The following ALS2 variants were observed in gnomAD, a reference collection of about 807,000 sequenced individuals.
ALS2 encodes alsin.
ALS2 carries 117 observed loss-of-function variants against 203.4 expected under a neutral mutation model. The observed-to-expected ratio is 0.58, with a 90% CI of 0.50 to 0.67. ALS2 has a LOEUF of 0.67. Ranked by LOEUF, ALS2 falls within the 30% of genes least tolerant of loss-of-function variation. The pLI is 0.00. For missense variants in ALS2, 1,715 were observed against 1,989.4 expected, an observed-to-expected ratio of 0.86 and a Z score of 2.62; for synonymous variants, 718 against 725.9, an observed-to-expected ratio of 0.99 and a Z score of 0.17.
At chr2:201,771,353 G>A (rs779565401) in intron 1 of ALS2, among the ~76,000 whole-genome samples, 2 of 151,960 alleles carry the variant, frequency 1.3e-5, no homozygotes, top group Non-Finnish European at 2.9e-5. Flanking sequence ...CACCGCGCCC[G>A]GCCCCTATCT....
intron 7 of ALS2, among the ~76,000 whole-genome samples, chr2:201,750,285 T>G (rs1156500946): frequency 1.3e-5 from 2 of 152,220 alleles, no homozygotes; most frequent in East Asian, 3.8e-4. Flanking sequence ...TCTTAACACT[T>G]TCTGTATATT....
intron 4 of ALS2, chr2:201,760,434 A>G (rs1012169538): frequency 4.0e-6 from 4 of 991,114 alleles, no homozygotes; most frequent in Non-Finnish European, 4.8e-6. Context: ...ATCTGCCTAC[A>G]ATTGAAGGAT....
chr2:201,755,319 A>G (rs1693315574), intron 5 of ALS2, among the ~76,000 whole-genome samples: 1 of 152,076 alleles, frequency 6.6e-6, no homozygotes, highest in East Asian at 1.9e-4. Context: ...CTGGAGTGTA[A>G]TGGCATGATC....
At position 201,774,156 on chromosome 2, in the gene ALS2, G is replaced by A. The variant is rs545042670; in HGVS notation, c.-60-5211C>T. Among the ~76,000 whole-genome samples, 3 of 152,306 alleles carry A rather than the reference G, an allele frequency of 2.0e-5. No homozygotes were observed. In the South Asian group the frequency reaches 6.2e-4, roughly 32 times the overall value. On this transcript the variant is annotated intron_variant, in intron 1 of 33. Transcript: ENST00000264276. ...AAATGAAGGGTTTTCTTTTGCTGGA[G>A]GTTGGGGAGATGGGAGGAAGCTGAA...
intron 20 of ALS2, 146 bp downstream of exon 20, chr2:201,725,210 C>T (rs1267194353): frequency 2.9e-6 from 2 of 698,568 alleles, no homozygotes; most frequent in Non-Finnish European, 5.1e-6. Flanking sequence ...GATGATCACA[C>T]AGAGTTTCAA....
At position 201,706,923 on chromosome 2, in the gene ALS2, T is replaced by C. The variant is rs1320274610; in HGVS notation, c.4503A>G (p.Glu1501=). The change falls in exon 29 of 34, where the codon GAA becomes GAG. Residue 1501 remains glutamate, a synonymous_variant. Coordinates refer to ENST00000264276, the MANE Select transcript of ALS2 (RefSeq NM_020919.4). ...MLYALDNDRE[E]DIYWECVLRL... The stretch of plus-strand genomic sequence containing the variant: ...GAAGGACACATTCCCAGTAAATGTC[T>C]TCCTCGCGATCATTATCCAAAGCAT... The C allele has an allele frequency of 1.2e-6, 2 of 1,614,090 alleles. No homozygotes were observed. Among genetic ancestry groups the C allele is most frequent in the Middle Eastern group, 3.3e-4 (2 of 6,060 alleles).
rs1045437385 is a variant in ALS2, at chr2:201,759,788, G to A, written c.1113+1093C>T. ...AGAATTGAGAATCAAGAGGCTATGT[G>A]GTTTCAAAAACCTAAAAAGAAACAC... On this transcript the variant is annotated intron_variant, in intron 4 of 33. Transcript: ENST00000264276. The A allele has an allele frequency of 8.1e-6, 8 of 984,930 alleles. No individual in the cohort carries two copies. The African/African-American group carries it at 1.4e-4, about 17-fold the overall frequency. The allele number at this position is 984,930 out of a possible 1,614,324, so 61.0% of individuals were successfully genotyped here. A position where few individuals can be genotyped will look rare whatever the true frequency, so the allele number is the denominator to read the frequency against.
intron 12 of ALS2, among the ~76,000 whole-genome samples, chr2:201,734,178 C>G (rs1262756501): frequency 6.6e-6 from 1 of 152,066 alleles, no homozygotes; most frequent in African/African-American, 2.4e-5. Context: ...AATGGTAAAG[C>G]AGTAAGAGTT....
chr2:201,720,373 A>G (rs573238013), intron 23 of ALS2, among the ~76,000 whole-genome samples: 2 of 152,160 alleles, frequency 1.3e-5, no homozygotes, highest in African/African-American at 4.8e-5. Flanking sequence ...AAACCACATG[A>G]TCATCTCAAC....
rs1257366666 is a variant in ALS2 at position 201,726,797 on chromosome 2, A to G, written c.3049T>C (p.Tyr1017His). The G allele has an allele frequency of 6.2e-7, 1 of 1,614,182 alleles. No homozygotes were observed. Among genetic ancestry groups the G allele is most frequent in the East Asian group, 2.2e-5 (1 of 44,880 alleles). Residue 1017 changes from tyrosine to histidine, a missense_variant, in exon 18 of 34, where the codon TAT becomes CAT. By Grantham distance (83) the Tyr-to-His change is moderately conservative. Around this residue, in one of 3 missense-constraint regions of ALS2, gnomAD observed 1,227 missense variants for 1,413.5 expected, o/e 0.87. Coordinates refer to ENST00000264276, the MANE Select transcript of ALS2 (RefSeq NM_020919.4). ...CTCTGAACACTGCTACCACTTCCAT[A>G]AGGGGGGAGATCAGACATCCCTCTC... ...ALRGMSDLPP[Y>H]GSGSSVQRQE...
chr2:201,743,179 A>T (rs1692400749), intron 10 of ALS2, among the ~76,000 whole-genome samples: 1 of 152,156 alleles, frequency 6.6e-6, no homozygotes, highest in African/African-American at 2.4e-5. Flanking sequence ...GGGTCAACAC[A>T]GTGGGGCAAG....
At chr2:201,780,532 G>A (rs1434287318) in intron 1 of ALS2, among the ~76,000 whole-genome samples, 1 of 152,296 alleles carries the variant, frequency 6.6e-6, no homozygotes, top group African/African-American at 2.4e-5. Flanking sequence ...ATGAATAGCT[G>A]GAAGGCAGCG....
chr2:201,707,822 C>G, intron 28 of ALS2, 47 bp downstream of exon 28: 3 of 1,603,824 alleles, frequency 1.9e-6, no homozygotes, highest in East Asian at 4.5e-5. Context: ...GTAAGATCAT[C>G]TAGTCACCAT....
At chr2:201,769,849 T>C (rs2106107323) in intron 1 of ALS2, among the ~76,000 whole-genome samples, 1 of 152,320 alleles carries the variant, frequency 6.6e-6, no homozygotes, top group Non-Finnish European at 1.5e-5. Flanking sequence ...CAGCTCATAC[T>C]GGCAGGAGTG....
chr2:201,719,278 A>C (rs954372213), intron 23 of ALS2, among the ~76,000 whole-genome samples: 14 of 152,120 alleles, frequency 9.2e-5, no homozygotes, highest in African/African-American at 3.4e-4. Context: ...TGTCCTCATG[A>C]ATGGTGCAGT....
At chr2:201,702,892 G>C (rs1190678761) in intron 33 of ALS2, among the ~76,000 whole-genome samples, 3 of 152,298 alleles carry the variant, frequency 2.0e-5, no homozygotes, top group Admixed American at 6.5e-5. Context: ...AAGGCGGGTG[G>C]ATCATCTGAG....
intron 1 of ALS2, among the ~76,000 whole-genome samples, chr2:201,773,402 T>C (rs1694502458): frequency 6.6e-6 from 1 of 152,038 alleles, no homozygotes; most frequent in South Asian, 2.1e-4. Context: ...AACTAGTACT[T>C]GGTGATTAGA....
chr2:201,744,343 G>A lies in ALS2; in HGVS notation c.2085C>T (p.Leu695=). Residue 695 remains leucine (L), a synonymous_variant, in exon 10 of 34, where the codon CTC becomes CTT. Coordinates refer to ENST00000264276, the MANE Select transcript of ALS2 (RefSeq NM_020919.4). ...GTCTTTCTGTAGTAGCTAACTCGTG[G>A]AGACTGGCAATATACCCCATAATGT... The part of the protein sequence containing the change: ...DKNIMGYIAS[L]HELATTERRF... 6.2e-7 allele frequency: 1 copy of A among 1,614,026 alleles called. No individual in the cohort carries two copies.
intron 25 of ALS2, among the ~76,000 whole-genome samples, chr2:201,714,011 G>C (rs1690210928): frequency 6.6e-6 from 1 of 152,176 alleles, no homozygotes; most frequent in African/African-American, 2.4e-5. Context: ...GCTAGGTGTG[G>C]TAGCTCACGC....
Sources: gnomAD v4.1 joint callset for allele counts (sites outside exome capture counted in the v4.1 genomes callset) on GRCh38, gnomAD v4.1.1 for gene constraint, gnomAD v4.1.1 regional missense constraint, MANE v1.5 for transcripts, NCBI Gene and HGNC (gene_info 2026-07-23, HGNC 2026-07-21) for gene names.